RPS6KA5: variants seen among roughly 807,000 people sequenced by gnomAD.
The protein encoded by RPS6KA5 is ribosomal protein S6 kinase A5, also known as ribosomal protein S6 kinase alpha-5.
In RPS6KA5, 27 loss-of-function variants were observed where a neutral mutation model predicts 85.5. The ratio of observed to expected loss-of-function variants is 0.32; its 90% confidence interval spans 0.23 to 0.44. The LOEUF is 0.44. RPS6KA5 is among the 20% of genes least tolerant of loss of function. The pLI is 1.00. For missense variants in RPS6KA5, 811 were observed against 980.9 expected, an observed-to-expected ratio of 0.83 and a Z score of 2.31; for synonymous variants, 334 against 348.2, an observed-to-expected ratio of 0.96 and a Z score of 0.46.
At chr14:90,919,921 T>C (rs2036314096) in intron 7 of RPS6KA5, among the ~76,000 whole-genome samples, 1 of 152,194 alleles carries the variant, frequency 6.6e-6, no homozygotes, top group Non-Finnish European at 1.5e-5. Context: ...ATATGACGTA[T>C]CTACTAAGTG....
rs1018108592 is a variant in RPS6KA5, at chr14:90,900,693, G to A, written c.1163C>T (p.Ala388Val). 1.5e-5 allele frequency: 24 copies of A among 1,613,576 alleles called. No homozygotes were observed. The highest frequency in any genetic ancestry group is 2.0e-5 in the Non-Finnish European group (24 of 1,179,632). Reference protein sequence around the residue: ...VAPSILFKRNAAVIDPLQFHM... With the variant: ...VAPSILFKRNVAVIDPLQFHM... ...AAACTGAAGAGGGTCTATGACAGCT[G>A]CATTACGCTTGAATAGGATGGAAGG... The change falls in exon 10 of 17, where the codon GCA becomes GTA. Residue 388 changes from alanine (A) to valine (V), a missense_variant. Physicochemically the swap from Ala to Val is moderately conservative, Grantham distance 64. Transcript: ENST00000614987.
chr14:90,905,164 C>T (rs749867414), intron 8 of RPS6KA5, among the ~76,000 whole-genome samples: 14 of 152,028 alleles, frequency 9.2e-5, no homozygotes, highest in East Asian at 3.9e-4. Flanking sequence ...GAGAAATATG[C>T]CTTTTTTTGA....
In RPS6KA5 at chr14:90,856,871, T is replaced by C. The variant is rs535049935; in HGVS notation, c.*15203A>G. On this transcript the variant is annotated 3_prime_UTR_variant, in exon 17 of 17. Coordinates refer to ENST00000614987, the MANE Select transcript of RPS6KA5 (RefSeq NM_004755.4). The stretch of plus-strand genomic sequence containing the variant: ...AAAAACACTAATCTTTCTGTCTCTA[T>C]GGATTTGCCCATTCTGGACATTTCA... 1.3e-4 allele frequency: 22 copies of C among 172,360 alleles called. No individual in the cohort carries two copies. Among genetic ancestry groups the C allele is most frequent in the Non-Finnish European group, 2.7e-4 (22 of 82,008 alleles). 10.7% of individuals were successfully genotyped at this position (172,360 alleles called of 1,614,324 possible).
At position 90,870,297 on chromosome 14, in the gene RPS6KA5, A is replaced by G. The variant is rs2033017143; in HGVS notation, c.*1777T>C. 1 of 152,208 alleles carries G rather than the reference A, an allele frequency of 6.6e-6. No homozygotes were observed. Among genetic ancestry groups the G allele is most frequent in the Non-Finnish European group, 1.5e-5 (1 of 68,018 alleles). 9.4% of individuals were successfully genotyped at this position (152,208 alleles called of 1,614,324 possible). On this transcript the variant is annotated 3_prime_UTR_variant, in exon 17 of 17. Coordinates refer to ENST00000614987, the MANE Select transcript of RPS6KA5 (RefSeq NM_004755.4). ...TTTGTGAATTAGCAATAGTTTGGTA[A>G]TAATTCACACAAAATTTCCCATAAT...
intron 2 of RPS6KA5, among the ~76,000 whole-genome samples, chr14:90,987,968 C>T (rs188826110): frequency 6.6e-6 from 1 of 152,252 alleles, no homozygotes; most frequent in East Asian, 1.9e-4. Context: ...GTGTGTATAA[C>T]ATATACATAC....
chr14:90,957,221 T>C (rs1338142243), intron 3 of RPS6KA5, among the ~76,000 whole-genome samples: 2 of 152,158 alleles, frequency 1.3e-5, no homozygotes, highest in South Asian at 2.1e-4. Context: ...CACACCACCA[T>C]GCCTGGGTAA....
At position 90,899,481 on chromosome 14, in the gene RPS6KA5, C is replaced by A; in HGVS notation, c.1380-59G>T. The A allele has an allele frequency of 3.6e-6, 4 of 1,120,116 alleles. No homozygotes were observed. The East Asian group carries it at 7.0e-5, about 20-fold the overall frequency. 69.4% of individuals were successfully genotyped at this position (1,120,116 alleles called of 1,614,324 possible). On this transcript the variant is annotated intron_variant, in intron 11 of 16. Coordinates refer to ENST00000614987, the MANE Select transcript of RPS6KA5 (RefSeq NM_004755.4). ...CTTCAAGAAAGTTTTTATATCAGTA[C>A]TGCCCCAAGACTAATTTTGTCTTAT...
chr14:90,944,494 G>A (rs1009531045), intron 4 of RPS6KA5, among the ~76,000 whole-genome samples: 1 of 151,888 alleles, frequency 6.6e-6, no homozygotes, highest in Non-Finnish European at 1.5e-5. Context: ...GGTGGCTAAC[G>A]CCCGTAATCC....
At position 91,060,413 on chromosome 14, in the gene RPS6KA5, T is replaced by C. The variant is rs372919173; in HGVS notation, c.22A>G (p.Ser8Gly). MEEEGGS[S>G]GGAAGTSADG... ...GCGCTGGTCCCCGCGGCGCCGCCGC[T>C]GCTGCCACCCTCCTCCTCCATCTTC... is the stretch of plus-strand genomic sequence containing the variant. The change falls in exon 1 of 17, where the codon AGC (serine) becomes GGC (glycine). Residue 8 changes from serine (S) to glycine (G), a missense_variant. Around this residue, in one of 3 missense-constraint regions of RPS6KA5, gnomAD observed 113 missense variants for 100.0 expected, o/e 1.13. Coordinates refer to ENST00000614987, the MANE Select transcript of RPS6KA5 (RefSeq NM_004755.4). 1.0e-4 allele frequency: 158 copies of C among 1,505,238 alleles called. No individual in the cohort carries two copies. In the East Asian group the frequency reaches 1.8e-3, roughly 17 times the overall value. 93.2% of individuals were successfully genotyped at this position (1,505,238 alleles called of 1,614,324 possible).
intron 1 of RPS6KA5, among the ~76,000 whole-genome samples, chr14:91,002,252 A>C (rs1188004219): frequency 6.6e-6 from 1 of 152,176 alleles, no homozygotes; most frequent in Admixed American, 6.5e-5. Flanking sequence ...CATTTTTTAA[A>C]ATAAGATAAA....
intron 1 of RPS6KA5, among the ~76,000 whole-genome samples, chr14:91,002,435 C>A (rs898511061): frequency 1.2e-4 from 18 of 152,152 alleles, no homozygotes; most frequent in African/African-American, 3.9e-4. Flanking sequence ...ATACCCACTA[C>A]ATAGAATTTA....
At chr14:90,875,076 T>C (rs2033364882) in intron 15 of RPS6KA5, 125 bp downstream of exon 15, 1 of 909,826 alleles carries the variant, frequency 1.1e-6, no homozygotes, top group Non-Finnish European at 1.7e-6. Flanking sequence ...GAGAGTAGCC[T>C]GGAAGCCTTT....
intron 7 of RPS6KA5, among the ~76,000 whole-genome samples, chr14:90,908,652 T>C (rs1346539561): frequency 1.3e-5 from 2 of 152,178 alleles, no homozygotes; most frequent in South Asian, 2.1e-4. Flanking sequence ...AAAGGGCCTA[T>C]AGCAGGTTAC....
rs113207177 is a variant in RPS6KA5, at chr14:91,060,052, G to A, written c.103+280C>T. ...AAGGGGGAGCAGCGACATCCTCGGA[G>A]GTGCGTGCCACGGGCAGCGGTCGGC... On this transcript the variant is annotated intron_variant, in intron 1 of 16. Transcript: ENST00000614987. 3.9e-5 allele frequency: 38 copies of A among 985,340 alleles called. No individual in the cohort carries two copies. The African/African-American group carries it at 5.8e-4, about 15-fold the overall frequency. The allele number at this position is 985,340 out of a possible 1,614,324, so 61.0% of individuals were successfully genotyped here.
intron 14 of RPS6KA5, among the ~76,000 whole-genome samples, chr14:90,884,953 C>T (rs1455825412): frequency 6.6e-6 from 1 of 152,024 alleles, no homozygotes; most frequent in Non-Finnish European, 1.5e-5. Flanking sequence ...ATGTTTGTGG[C>T]TAAATATAAG....
At chr14:91,006,548 T>C (rs770666727) in intron 1 of RPS6KA5, among the ~76,000 whole-genome samples, 1 of 152,152 alleles carries the variant, frequency 6.6e-6, no homozygotes, top group Non-Finnish European at 1.5e-5. Flanking sequence ...ACAAGAAGAC[T>C]GCCATCTGCA....
At chr14:90,925,455 T>C (rs2036605952) in intron 5 of RPS6KA5, among the ~76,000 whole-genome samples, 1 of 152,188 alleles carries the variant, frequency 6.6e-6, no homozygotes, top group Non-Finnish European at 1.5e-5. Context: ...CCTAGGCTTA[T>C]GCTTCTTAGA....
chr14:91,033,436 A>C (rs2042271933), intron 1 of RPS6KA5, among the ~76,000 whole-genome samples: 1 of 151,804 alleles, frequency 6.6e-6, no homozygotes, highest in Non-Finnish European at 1.5e-5. Context: ...CCCTGCCTCT[A>C]CTAAAAATAC....
chr14:90,853,967 T>A lies in RPS6KA5; in HGVS notation c.*18107A>T, dbSNP rs918988193. ...GGTGGGGGATTACTGGCAGGGCAGATAGTCGATTTAAGGAGTGAGGGGCAG... is the reference window on the plus strand; with the variant it reads ...GGTGGGGGATTACTGGCAGGGCAGAAAGTCGATTTAAGGAGTGAGGGGCAG... On this transcript the variant is annotated 3_prime_UTR_variant, in exon 17 of 17. Coordinates refer to ENST00000614987, the MANE Select transcript of RPS6KA5 (RefSeq NM_004755.4). 6 of 152,212 alleles carry A rather than the reference T, an allele frequency of 3.9e-5. No homozygotes were observed. The highest frequency in any genetic ancestry group is 1.4e-4 in the African/African-American group (6 of 41,452). The allele number at this position is 152,212 out of a possible 1,614,324, so 9.4% of individuals were successfully genotyped here. A position where few individuals can be genotyped will look rare whatever the true frequency, so the allele number is the denominator to read the frequency against.
Sources: gnomAD v4.1 joint callset for allele counts (sites outside exome capture counted in the v4.1 genomes callset) on GRCh38, gnomAD v4.1.1 for gene constraint, gnomAD v4.1.1 regional missense constraint, MANE v1.5 for transcripts, NCBI Gene and HGNC (gene_info 2026-07-23, HGNC 2026-07-21) for gene names.